ALMS1: variants seen among roughly 807,000 people sequenced by gnomAD.
ALMS1 encodes the protein ALMS1 centrosome and basal body associated protein.
A neutral mutation model predicts 352.2 loss-of-function variants in ALMS1; 271 were observed. The observed-to-expected ratio is 0.77, with a 90% CI of 0.70 to 0.85. The LOEUF (loss-of-function observed/expected upper bound fraction) is 0.85. ALMS1 is among the 40% of genes least tolerant of loss of function. ALMS1 has a pLI of 0.00. For missense variants in ALMS1, 5,445 were observed against 4,870.7 expected, an observed-to-expected ratio of 1.12 and a Z score of -3.51; for synonymous variants, 1,865 against 1,761.2, an observed-to-expected ratio of 1.06 and a Z score of -1.48.
chr2:73,541,995 G>A (rs964833921), intron 12 of ALMS1, among the ~76,000 whole-genome samples: 4 of 152,132 alleles, frequency 2.6e-5, no homozygotes, highest in Admixed American at 2.6e-4. Context: ...AGAAAAAGAG[G>A]GAATCCTCCC....
chr2:73,482,840 T>G (rs1672741535), intron 9 of ALMS1, among the ~76,000 whole-genome samples: 1 of 151,796 alleles, frequency 6.6e-6, no homozygotes, highest in African/African-American at 2.4e-5. Context: ...TATCCATTTC[T>G]TCTAGATTTT....
At position 73,568,141 on chromosome 2, in the gene ALMS1, G is replaced by A. The variant is rs966121499; in HGVS notation, c.10385-4121G>A. Among the ~76,000 whole-genome samples, 3 of 152,256 alleles carry A rather than the reference G, an allele frequency of 2.0e-5. No individual in the cohort carries two copies. The East Asian group carries it at 5.8e-4, about 29-fold the overall frequency. On this transcript the variant is annotated intron_variant, in intron 15 of 22. Transcript: ENST00000613296. ...ATACTTAACTGTCTTAATAAAGAAT[G>A]TACTAAGCCACAAATTTTGTTTTAC...
chr2:73,589,697 T>G (rs1160419404), intron 16 of ALMS1, among the ~76,000 whole-genome samples: 1 of 152,240 alleles, frequency 6.6e-6, no homozygotes, highest in African/African-American at 2.4e-5. Flanking sequence ...TGTAAGTATA[T>G]CTAATCACAT....
intron 1 of ALMS1, among the ~76,000 whole-genome samples, chr2:73,388,344 G>C (rs373039499): frequency 6.6e-6 from 1 of 152,124 alleles, no homozygotes; most frequent in Non-Finnish European, 1.5e-5. Context: ...ATAATGGTGA[G>C]GTTTGGGCTT....
chr2:73,557,559 G>T (rs1674572573), intron 14 of ALMS1, among the ~76,000 whole-genome samples: 1 of 152,070 alleles, frequency 6.6e-6, no homozygotes. Flanking sequence ...CATATTTAAA[G>T]TTCTTTGTGA....
chr2:73,493,569 A>G (rs1673036903), intron 10 of ALMS1, among the ~76,000 whole-genome samples: 1 of 151,968 alleles, frequency 6.6e-6, no homozygotes, highest in Admixed American at 6.6e-5. Flanking sequence ...CTAAAAATAC[A>G]AAATTAGCTG....
chr2:73,544,717 C>A (rs1674276298), intron 12 of ALMS1, among the ~76,000 whole-genome samples: 1 of 152,006 alleles, frequency 6.6e-6, no homozygotes, highest in Non-Finnish European at 1.5e-5. Flanking sequence ...TATACCCCAA[C>A]AAAGTGAAAG....
chr2:73,398,887 G>C (rs193140584), intron 1 of ALMS1, among the ~76,000 whole-genome samples: 2 of 151,878 alleles, frequency 1.3e-5, no homozygotes, highest in African/African-American at 4.8e-5. Flanking sequence ...ACTGTCACCC[G>C]GGCTGGAGTG....
At chr2:73,536,484 G>T (rs555011209) in intron 12 of ALMS1, among the ~76,000 whole-genome samples, 1 of 152,144 alleles carries the variant, frequency 6.6e-6, no homozygotes, top group Admixed American at 6.5e-5. Flanking sequence ...ACTTGAGATT[G>T]TTTTTTCATG....
At chr2:73,526,909 G>C (rs1482940823) in intron 11 of ALMS1, among the ~76,000 whole-genome samples, 1 of 152,118 alleles carries the variant, frequency 6.6e-6, no homozygotes, top group Non-Finnish European at 1.5e-5. Flanking sequence ...CTGTGGGTCT[G>C]TCATATATGG....
chr2:73,486,431 A>G (rs1224514934), intron 9 of ALMS1, among the ~76,000 whole-genome samples: 1 of 152,072 alleles, frequency 6.6e-6, no homozygotes, highest in African/African-American at 2.4e-5. Context: ...TTTTTCTGTG[A>G]TGGTTGGCTG....
At chr2:73,607,762 G>GC (rs1355673005) in intron 21 of ALMS1, among the ~76,000 whole-genome samples, 1 of 151,504 alleles carries the variant, frequency 6.6e-6, no homozygotes, top group Non-Finnish European at 1.5e-5. Flanking sequence ...TCCTGCCTCA[G>GC]CCTCCTGAGT....
Position 73,419,461 on chromosome 2 carries a change from T to C in ALMS1, c.646+143T>C, listed in dbSNP as rs1671245036. ...AGGGATTAGCTTATTTCTGTTTTGT[T>C]TGTTTGTTTGTTTTTTACTGGCTAG... On this transcript the variant is annotated intron_variant, in intron 3 of 22. Transcript: ENST00000613296. 4.0e-6 allele frequency: 3 copies of C among 754,138 alleles called. No individual in the cohort carries two copies. In the African/African-American group the frequency reaches 5.3e-5, roughly 13 times the overall value. The allele number at this position is 754,138 out of a possible 1,614,324, so 46.7% of individuals were successfully genotyped here. A position where few individuals can be genotyped will look rare whatever the true frequency, so the allele number is the denominator to read the frequency against.
chr2:73,443,706 C>G (rs1425783957), intron 7 of ALMS1, among the ~76,000 whole-genome samples: 1 of 152,026 alleles, frequency 6.6e-6, no homozygotes, highest in Non-Finnish European at 1.5e-5. Flanking sequence ...TGTTGAATGA[C>G]TTTATGAATT....
At position 73,534,840 on chromosome 2, in the gene ALMS1, G is replaced by A; in HGVS notation, c.9798G>A (p.Leu3266=). 6.2e-7 allele frequency: 1 copy of A among 1,613,292 alleles called. No individual in the cohort carries two copies. Among genetic ancestry groups the A allele is most frequent in the Non-Finnish European group, 8.5e-7 (1 of 1,179,524 alleles). Residue 3266 remains leucine, a synonymous_variant, in exon 12 of 23, where the codon TTG becomes TTA. Transcript: ENST00000613296. The part of the protein sequence containing the change: ...SRGTDGQPLL[L]PYKPSGSTKM... ...CCTCCTTAGGCCAGCCTTTATTATT[G>A]CCATATAAGCCTTCTGGTAGTACCA...
At chr2:73,405,565 ATTCTC>A (rs1194830320) in intron 1 of ALMS1, among the ~76,000 whole-genome samples, 2 of 147,664 alleles carry the variant, frequency 1.4e-5, no homozygotes, top group Non-Finnish European at 3.0e-5. Flanking sequence ...CTGTTTTTCT[ATTCTC>A]TTTTCTTTAT....
chr2:73,551,369 G>A (rs1235671868), intron 13 of ALMS1, among the ~76,000 whole-genome samples: 2 of 146,772 alleles, frequency 1.4e-5, no homozygotes, highest in Non-Finnish European at 3.0e-5. Context: ...GACCCAGTCT[G>A]CTTCATTCAT....
chr2:73,585,629 C>T lies in ALMS1; in HGVS notation c.11547+12205C>T, dbSNP rs749666467. ...CAGGATGGTCTTGATCTCCTGACCTCGTGATCTGCCTACCTCAGCCTCCCA... is the reference window on the plus strand; with the variant it reads ...CAGGATGGTCTTGATCTCCTGACCTTGTGATCTGCCTACCTCAGCCTCCCA... On this transcript the variant is annotated intron_variant, in intron 16 of 22. Transcript: ENST00000613296. Among the ~76,000 whole-genome samples the T allele has an allele frequency of 6.0e-4, 91 of 151,412 alleles. 1 individual carries two copies. The highest frequency in any genetic ancestry group is 1.1e-3 in the Non-Finnish European group (74 of 67,898).
intron 10 of ALMS1, among the ~76,000 whole-genome samples, chr2:73,492,467 A>G (rs896170051): frequency 1.3e-5 from 2 of 152,164 alleles, no homozygotes; most frequent in African/African-American, 2.4e-5. Flanking sequence ...AGAGCATTCA[A>G]ATGCATTCTG....
Sources: allele counts gnomAD v4.1 joint callset (sites outside exome capture counted in the v4.1 genomes callset), GRCh38; gene constraint gnomAD v4.1.1; transcripts MANE v1.5; gene names NCBI Gene and HGNC (gene_info 2026-07-23, HGNC 2026-07-21).